Variants in CSMD1 observed in about 807,000 individuals in gnomAD.
The protein encoded by CSMD1 is CUB and Sushi multiple domains 1.
A neutral mutation model predicts 417.5 loss-of-function variants in CSMD1; 213 were observed. The ratio of observed to expected loss-of-function variants is 0.51; its 90% CI spans 0.46 to 0.57. The LOEUF is 0.57. CSMD1 is among the 20% of genes least tolerant of loss of function. The pLI, the probability that CSMD1 is intolerant of heterozygous loss-of-function variation, is 0.00. For missense variants in CSMD1, 6,923 were observed against 4,529.7 expected (o/e 1.53, Z -15.17); for synonymous variants, 2,862 against 1,736.8 (o/e 1.65, Z -16.11).
In CSMD1 at chr8:3,889,916, C is replaced by A. The variant is rs1310030594; in HGVS notation, c.818+107987G>T. 3.3e-5 allele frequency among the ~76,000 whole-genome samples: 5 copies of A among 152,130 alleles called. No homozygotes were observed. The East Asian group carries it at 9.7e-4, about 29-fold the overall frequency. On this transcript the variant is annotated intron_variant, in intron 5 of 69. Transcript: ENST00000635120. ...TTACTTTCTGAGTTGCGCATAATGC[C>A]ACATGCCCGTAGTCTCAGACGGTTG... is the stretch of plus-strand genomic sequence containing the variant.
chr8:4,090,411 C>G (rs1296635573), intron 3 of CSMD1, among the ~76,000 whole-genome samples: 1 of 151,998 alleles, frequency 6.6e-6, no homozygotes, highest in Non-Finnish European at 1.5e-5. Context: ...TAATTAACAC[C>G]CTAGTCTTGA....
rs1225701909 is a variant in CSMD1 at position 4,173,815 on chromosome 8, C to T, written c.416-141716G>A. On this transcript the variant is annotated intron_variant, in intron 3 of 69. Transcript: ENST00000635120. ...TTAGTGGTGAGGTGCGCTTGAGGAA[C>T]AATCTGATCAGGCTTCTCAGTTCTT... Among the ~76,000 whole-genome samples, 3 of 152,244 alleles carry T rather than the reference C, an allele frequency of 2.0e-5. No individual in the cohort carries two copies. The East Asian group carries it at 5.8e-4, about 29-fold the overall frequency.
At position 3,883,090 on chromosome 8, in the gene CSMD1, G is replaced by T. The variant is rs1291768187; in HGVS notation, c.818+114813C>A. On this transcript the variant is annotated intron_variant, in intron 5 of 69. Transcript: ENST00000635120. ...AATGTGTCTTGACTATTTACTCTAA[G>T]AATTCCCTAAGAATCCTTAGTGTAA... Among the ~76,000 whole-genome samples the T allele has an allele frequency of 3.3e-5, 5 of 152,214 alleles. No individual in the cohort carries two copies. The East Asian group carries it at 7.7e-4, about 24-fold the overall frequency.
chr8:3,831,858 T>C (rs1422258685), intron 5 of CSMD1, among the ~76,000 whole-genome samples: 3 of 152,198 alleles, frequency 2.0e-5, no homozygotes, highest in Non-Finnish European at 4.4e-5. Context: ...TCATATAACA[T>C]AGCATCTTTG....
intron 27 of CSMD1, among the ~76,000 whole-genome samples, chr8:3,227,804 G>A (rs1369219189): frequency 6.7e-6 from 1 of 148,700 alleles, no homozygotes; most frequent in South Asian, 2.1e-4. Context: ...GTCTCACTCT[G>A]TTGCACAGGC....
rs546019712 is a variant in CSMD1, at chr8:3,346,943, C to T, written c.3474+1049G>A. ...TTCTGTCCAACTAAATTGCTCACCT[C>T]GCTGAAATAAGCAGGTGACTGGACG... On this transcript the variant is annotated intron_variant, in intron 22 of 69. Transcript: ENST00000635120. Among the ~76,000 whole-genome samples, 152 of 152,320 alleles carry T rather than the reference C, an allele frequency of 1.0e-3. 1 individual carries two copies. Among genetic ancestry groups the T allele is most frequent in the African/African-American group, 3.3e-3 (138 of 41,564 alleles).
intron 1 of CSMD1, among the ~76,000 whole-genome samples, chr8:4,905,909 G>A (rs370627820): frequency 1.7e-3 from 263 of 150,838 alleles, no homozygotes; most frequent in African/African-American, 6.2e-3. Context: ...GCCTTTCTCA[G>A]AGCCACTCTT....
intron 21 of CSMD1, among the ~76,000 whole-genome samples, chr8:3,353,714 T>C (rs1808561536): frequency 6.6e-6 from 1 of 152,126 alleles, no homozygotes; most frequent in African/African-American, 2.4e-5. Flanking sequence ...ATGTTTCATT[T>C]TAAAAAAGTT....
At chr8:4,873,540 A>T (rs147871266) in intron 1 of CSMD1, among the ~76,000 whole-genome samples, 1 of 152,132 alleles carries the variant, frequency 6.6e-6, no homozygotes, top group African/African-American at 2.4e-5. Context: ...TCTTAACAGC[A>T]TCTAAGAACA....
intron 3 of CSMD1, among the ~76,000 whole-genome samples, chr8:4,357,674 G>T (rs1269071387): frequency 1.3e-5 from 2 of 152,054 alleles, no homozygotes; most frequent in African/African-American, 4.8e-5. Context: ...TTTCTTCATG[G>T]TAGGACTTCA....
chr8:3,200,072 G>A (rs1178604563), intron 32 of CSMD1, among the ~76,000 whole-genome samples: 4 of 151,972 alleles, frequency 2.6e-5, no homozygotes, highest in African/African-American at 9.7e-5. Flanking sequence ...AGCACCAATG[G>A]TAGGCCTATA....
chr8:4,968,339 C>T (rs1001677429), intron 1 of CSMD1, among the ~76,000 whole-genome samples: 4 of 151,934 alleles, frequency 2.6e-5, no homozygotes, highest in African/African-American at 9.7e-5. Context: ...ATTGTGTCAC[C>T]ATCACCACTA....
At chr8:4,870,579 T>A (rs900843123) in intron 1 of CSMD1, among the ~76,000 whole-genome samples, 1 of 152,054 alleles carries the variant, frequency 6.6e-6, no homozygotes, top group Non-Finnish European at 1.5e-5. Context: ...TTCTCTAGAA[T>A]CAGAGCAGGA....
chr8:4,174,941 T>A (rs577542045), intron 3 of CSMD1, among the ~76,000 whole-genome samples: 4 of 151,344 alleles, frequency 2.6e-5, no homozygotes, highest in Admixed American at 6.6e-5. Context: ...CTTAATTTAA[T>A]ATTGAAGTCT....
At chr8:3,774,959 T>C (rs1798820156) in intron 5 of CSMD1, among the ~76,000 whole-genome samples, 1 of 151,920 alleles carries the variant, frequency 6.6e-6, no homozygotes, top group South Asian at 2.1e-4. Flanking sequence ...ACAGGTAGCA[T>C]ATACACAGCA....
intron 10 of CSMD1, among the ~76,000 whole-genome samples, chr8:3,495,375 G>T (rs191537358): frequency 2.0e-4 from 31 of 152,266 alleles, no homozygotes; most frequent in Non-Finnish European, 3.2e-4. Flanking sequence ...ATTAAGGTTT[G>T]TGTGTCATGT....
At chr8:3,260,644 A>C (rs1271808335) in intron 26 of CSMD1, among the ~76,000 whole-genome samples, 1 of 151,894 alleles carries the variant, frequency 6.6e-6, no homozygotes, top group African/African-American at 2.4e-5. Flanking sequence ...AACATTTTTG[A>C]CAATCCCTTT....
chr8:3,154,232 C>G (rs1051685083), intron 39 of CSMD1, among the ~76,000 whole-genome samples: 1 of 152,208 alleles, frequency 6.6e-6, no homozygotes, highest in Non-Finnish European at 1.5e-5. Context: ...CTCGGCCTCC[C>G]GAAGTGAGGG....
chr8:4,854,764 C>A (rs1277407430), intron 1 of CSMD1, among the ~76,000 whole-genome samples: 2 of 152,164 alleles, frequency 1.3e-5, no homozygotes, highest in Admixed American at 6.5e-5. Flanking sequence ...GAGGGTCCTA[C>A]ACCCACAGAG....
Sources: allele counts gnomAD v4.1 joint callset (sites outside exome capture counted in the v4.1 genomes callset), GRCh38; gene constraint gnomAD v4.1.1; transcripts MANE v1.5; gene names NCBI Gene and HGNC (gene_info 2026-07-23, HGNC 2026-07-21).